The following CNTN4 variants were observed in gnomAD, a reference collection of about 807,000 sequenced individuals.
CNTN4 encodes contactin-4.
In CNTN4, 77 loss-of-function variants were observed where a neutral mutation model predicts 122.5. The ratio of observed to expected loss-of-function variants is 0.63; its 90% confidence interval spans 0.52 to 0.76. The LOEUF (loss-of-function observed/expected upper bound fraction) is 0.76. Ranked by LOEUF, CNTN4 falls within the 30% of genes least tolerant of loss-of-function variation. CNTN4 has a pLI of 0.00. For synonymous variants in CNTN4, 512 were observed against 447.0 expected (o/e 1.15, Z -1.83); for missense variants, 1,256 against 1,259.1 (o/e 1.00, Z 0.04).
intron 13 of CNTN4, among the ~76,000 whole-genome samples, chr3:2,954,766 A>G (rs1167920235): frequency 2.0e-5 from 3 of 151,944 alleles, no homozygotes; most frequent in Non-Finnish European, 4.4e-5. Context: ...TTCCATATGG[A>G]GTTTTCTAGT....
chr3:2,104,267 C>G (rs1018215133), intron 2 of CNTN4, among the ~76,000 whole-genome samples: 1 of 150,662 alleles, frequency 6.6e-6, no homozygotes, highest in Non-Finnish European at 1.5e-5. Flanking sequence ...CGTTTCAAGT[C>G]CCTTCTTATG....
intron 7 of CNTN4, among the ~76,000 whole-genome samples, chr3:2,832,978 A>C (rs1173924178): frequency 6.6e-6 from 1 of 152,190 alleles, no homozygotes; most frequent in Non-Finnish European, 1.5e-5. Flanking sequence ...TAAGAAATCT[A>C]CACTATCATG....
intron 4 of CNTN4, among the ~76,000 whole-genome samples, chr3:2,646,672 C>G (rs958411477): frequency 6.6e-6 from 1 of 152,168 alleles, no homozygotes. Flanking sequence ...GCTTAAACAA[C>G]AGGAATTAAT....
At chr3:2,530,701 T>C (rs1250550302) in intron 3 of CNTN4, among the ~76,000 whole-genome samples, 1 of 152,170 alleles carries the variant, frequency 6.6e-6, no homozygotes, top group Non-Finnish European at 1.5e-5. Context: ...TTTTAGGTGC[T>C]ATTTGCATTT....
chr3:2,506,574 C>T (rs1473237761), intron 3 of CNTN4, among the ~76,000 whole-genome samples: 3 of 152,164 alleles, frequency 2.0e-5, no homozygotes, highest in East Asian at 1.9e-4. Flanking sequence ...CAAAAGCAGT[C>T]TAACAACGGA....
At chr3:2,185,863 C>T (rs1158972227) in intron 2 of CNTN4, among the ~76,000 whole-genome samples, 1 of 151,992 alleles carries the variant, frequency 6.6e-6, no homozygotes, top group Non-Finnish European at 1.5e-5. Context: ...TGTGGGACTC[C>T]ATAGCCTTAA....
intron 3 of CNTN4, among the ~76,000 whole-genome samples, chr3:2,501,327 T>C (rs536975895): frequency 6.6e-6 from 1 of 152,334 alleles, no homozygotes; most frequent in East Asian, 1.9e-4. Context: ...GAAGTTACAT[T>C]TGTTAACAGA....
chr3:2,490,883 G>T (rs1360716522), intron 3 of CNTN4, among the ~76,000 whole-genome samples: 2 of 152,134 alleles, frequency 1.3e-5, no homozygotes, highest in Non-Finnish European at 2.9e-5. Context: ...TTATTTCTTA[G>T]TTTCCAAAGT....
chr3:2,970,312 G>T (rs1221850191), intron 13 of CNTN4, among the ~76,000 whole-genome samples: 2 of 152,092 alleles, frequency 1.3e-5, no homozygotes, highest in African/African-American at 4.8e-5. Context: ...GCCCAAGCTA[G>T]TCTCAAACTC....
At chr3:2,942,619 G>A (rs567170033) in intron 13 of CNTN4, among the ~76,000 whole-genome samples, 3 of 152,312 alleles carry the variant, frequency 2.0e-5, no homozygotes, top group Admixed American at 6.5e-5. Flanking sequence ...TTTTAATGGT[G>A]AAGCTTGATG....
intron 4 of CNTN4, among the ~76,000 whole-genome samples, chr3:2,576,122 A>T (rs1576063544): frequency 6.6e-6 from 1 of 152,156 alleles, no homozygotes. Flanking sequence ...GGCGTGAGCC[A>T]CCACGCCCAG....
At chr3:2,788,952 A>C (rs1276382342) in intron 6 of CNTN4, among the ~76,000 whole-genome samples, 1 of 152,212 alleles carries the variant, frequency 6.6e-6, no homozygotes, top group East Asian at 1.9e-4. Flanking sequence ...AACAGAAAAA[A>C]AGTTCTGATT....
At chr3:2,327,342 G>A (rs554705237) in intron 2 of CNTN4, among the ~76,000 whole-genome samples, 15 of 152,286 alleles carry the variant, frequency 9.8e-5, no homozygotes, top group African/African-American at 3.6e-4. Flanking sequence ...ATTCAGTAAA[G>A]TGGCAAAATA....
intron 2 of CNTN4, among the ~76,000 whole-genome samples, chr3:2,312,155 A>G (rs1039002951): frequency 6.6e-6 from 1 of 151,998 alleles, no homozygotes; most frequent in Non-Finnish European, 1.5e-5. Flanking sequence ...TCTACAAAAA[A>G]TAAATTAGCC....
chr3:2,230,376 A>T (rs2039439166), intron 2 of CNTN4, among the ~76,000 whole-genome samples: 1 of 152,194 alleles, frequency 6.6e-6, no homozygotes, highest in Admixed American at 6.5e-5. Flanking sequence ...AAACTTGCAG[A>T]TAAGAAGAGG....
intron 13 of CNTN4, among the ~76,000 whole-genome samples, chr3:2,969,522 T>TTATGATTATG (rs1559733329): frequency 2.1e-4 from 29 of 137,026 alleles, no homozygotes; most frequent in African/African-American, 9.9e-4. Flanking sequence ...TTGGGATTAT[T>TTATGATTATG]ATTATTATTA....
At chr3:3,030,549 G>A (rs990547068) in intron 15 of CNTN4, among the ~76,000 whole-genome samples, 1 of 152,158 alleles carries the variant, frequency 6.6e-6, no homozygotes, top group Non-Finnish European at 1.5e-5. Context: ...AAACTAGATC[G>A]AGAGCCACCG....
At chr3:2,708,770 G>A (rs1379109593) in intron 4 of CNTN4, among the ~76,000 whole-genome samples, 1 of 142,914 alleles carries the variant, frequency 7.0e-6, no homozygotes, top group African/African-American at 2.7e-5. Flanking sequence ...CACACACACT[G>A]CCCAGAAGAA....
chr3:2,440,923 TA>T (rs1262185426), intron 3 of CNTN4, among the ~76,000 whole-genome samples: 38 of 148,594 alleles, frequency 2.6e-4, no homozygotes, highest in East Asian at 5.8e-4. Flanking sequence ...TATACATATA[TA>T]AAAAGATTAT....
Sources: allele counts gnomAD v4.1 joint callset (sites outside exome capture counted in the v4.1 genomes callset), GRCh38; gene constraint gnomAD v4.1.1; transcripts MANE v1.5; gene names NCBI Gene and HGNC (gene_info 2026-07-23, HGNC 2026-07-21).